The following FGD5 variants were observed in gnomAD, a reference collection of about 807,000 sequenced individuals.
The protein encoded by FGD5 is FYVE, RhoGEF and PH domain-containing protein 5.
Under a neutral mutation model 133.4 loss-of-function variants are expected in FGD5, and 28 were observed. That is an observed-to-expected ratio of 0.21 (90% CI 0.16 to 0.29). FGD5 has a LOEUF of 0.29. Among genes scored for constraint, FGD5 ranks in the 10% least tolerant of loss-of-function variants. The probability of loss-of-function intolerance (pLI) is 1.00; values close to 1 mark genes in which losing one functional copy is unlikely to be tolerated. For missense variants in FGD5, 1,858 were observed against 1,895.2 expected (o/e 0.98, Z 0.36); for synonymous variants, 810 against 776.5 (o/e 1.04, Z -0.72).
rs1443048007 is a variant in FGD5 at position 14,933,181 on chromosome 3, T to C, written c.*14T>C. On this transcript the variant is annotated 3_prime_UTR_variant, in exon 20 of 20. Transcript: ENST00000285046. ...AGTGTGTTATAGCAGTTATCAAGCATGTGGACTTGTAACAAATTCTTAGGT... is the reference window on the plus strand; with the variant it reads ...AGTGTGTTATAGCAGTTATCAAGCACGTGGACTTGTAACAAATTCTTAGGT... The C allele has an allele frequency of 3.1e-6, 5 of 1,612,792 alleles. No individual in the cohort carries two copies. In the Admixed American group the frequency reaches 6.7e-5, roughly 22 times the overall value.
chr3:14,811,867 CT>C (rs1031495445), intron 1 of FGD5, among the ~76,000 whole-genome samples: 3 of 152,116 alleles, frequency 2.0e-5, no homozygotes, highest in African/African-American at 7.2e-5. Flanking sequence ...ACTCTATTTT[CT>C]TTTTCTCACA....
intron 1 of FGD5, among the ~76,000 whole-genome samples, chr3:14,862,054 G>A (rs1018417324): frequency 2.0e-5 from 3 of 152,114 alleles, no homozygotes; most frequent in African/African-American, 7.2e-5. Context: ...ATGGTTGGGA[G>A]GTATTTGAAG....
upstream of FGD5, chr3:14,810,711 TC>T (rs2036278325): frequency 1.3e-6 from 1 of 751,526 alleles, no homozygotes; most frequent in African/African-American, 1.9e-5. Context: ...CCGCGCGGAG[TC>T]CGAGGCGCGC....
Position 14,867,005 on chromosome 3 carries a change from A to G in FGD5, c.2658+2745A>G, listed in dbSNP as rs530479069. ...AGAGTCCAGACTTCTCATCAGCTAT[A>G]GGGTTGGACATCCGTGCCCTCCTCC... is the stretch of plus-strand genomic sequence containing the variant. On this transcript the variant is annotated intron_variant, in intron 2 of 19. Transcript: ENST00000285046. 2.6e-5 allele frequency among the ~76,000 whole-genome samples: 4 copies of G among 152,346 alleles called. No individual in the cohort carries two copies. The South Asian group carries it at 8.3e-4, about 32-fold the overall frequency.
At chr3:14,921,304 CT>C (rs2125154153) in intron 13 of FGD5, 1 of 154,182 alleles carries the variant, frequency 6.5e-6, no homozygotes, top group East Asian at 1.9e-4. Context: ...AGGCTGCACA[CT>C]TACCTGTGGT....
intron 9 of FGD5, among the ~76,000 whole-genome samples, chr3:14,906,696 C>T (rs190682291): frequency 2.0e-5 from 3 of 152,376 alleles, no homozygotes; most frequent in East Asian, 1.9e-4. Context: ...AATTCATTAA[C>T]ATTTTCGCTG....
rs567436743 is a variant in FGD5 at position 14,884,239 on chromosome 3, A to G, written c.2748+3467A>G. Among the ~76,000 whole-genome samples, 5 of 152,322 alleles carry G rather than the reference A, an allele frequency of 3.3e-5. No homozygotes were observed. In the East Asian group the frequency reaches 9.6e-4, roughly 29 times the overall value. ...AACAAGTCTCTCCTAGAGGAAGCCA[A>G]AAGTTCCTACCAATCCCTCCTTTGG... On this transcript the variant is annotated intron_variant, in intron 4 of 19. Transcript: ENST00000285046.
At chr3:14,869,633 A>C (rs548483774) in intron 2 of FGD5, among the ~76,000 whole-genome samples, 110 of 151,952 alleles carry the variant, frequency 7.2e-4, no homozygotes, top group Non-Finnish European at 5.9e-4. Context: ...CCACCGTTCC[A>C]CTTCCTGTCT....
intron 2 of FGD5, among the ~76,000 whole-genome samples, chr3:14,877,548 CAG>C (rs1346758921): frequency 1.3e-5 from 2 of 152,244 alleles, no homozygotes; most frequent in African/African-American, 2.4e-5. Flanking sequence ...GATGAGGAAA[CAG>C]AGGCATCTGA....
At chr3:14,888,168 G>A (rs200330279) in intron 4 of FGD5, among the ~76,000 whole-genome samples, 20 of 143,262 alleles carry the variant, frequency 1.4e-4, no homozygotes, top group East Asian at 6.1e-4. Flanking sequence ...ATCCTTTCTC[G>A]AAAAAAAAAA....
intron 1 of FGD5, among the ~76,000 whole-genome samples, chr3:14,854,432 T>TATTGATTGATTGATTG (rs71038441): frequency 4.8e-4 from 69 of 143,452 alleles, no homozygotes; most frequent in Non-Finnish European, 7.1e-4. Flanking sequence ...TTTATTTATT[T>TATTGATTGATTGATTG]ATTGAGACGA....
At chr3:14,856,644 T>C (rs1228164137) in intron 1 of FGD5, among the ~76,000 whole-genome samples, 1 of 146,926 alleles carries the variant, frequency 6.8e-6, no homozygotes, top group Non-Finnish European at 1.5e-5. Flanking sequence ...AAATGTAGTA[T>C]TGTGATTTTT....
intron 1 of FGD5, among the ~76,000 whole-genome samples, chr3:14,862,274 C>T (rs1417929671): frequency 1.3e-5 from 2 of 152,200 alleles, no homozygotes; most frequent in Non-Finnish European, 2.9e-5. Context: ...CTGTTTCTCT[C>T]AGAAGGAGGG....
intron 1 of FGD5, among the ~76,000 whole-genome samples, chr3:14,824,571 G>C (rs1293725243): frequency 2.0e-5 from 3 of 152,210 alleles, no homozygotes; most frequent in African/African-American, 7.2e-5. Flanking sequence ...CCCAACACTT[G>C]TTATGGGACC....
At chr3:14,924,163 T>G (rs774671900) in intron 17 of FGD5, 25 bp downstream of exon 17, 5 of 1,613,634 alleles carry the variant, frequency 3.1e-6, no homozygotes, top group Admixed American at 3.3e-5. Context: ...GCTACCCAAG[T>G]GGGAAGTAGG....
intron 1 of FGD5, among the ~76,000 whole-genome samples, chr3:14,855,001 C>T (rs1478404713): frequency 6.6e-6 from 1 of 152,116 alleles, no homozygotes; most frequent in African/African-American, 2.4e-5. Context: ...CAGATCTCTC[C>T]CTATCCTCAC....
intron 2 of FGD5, among the ~76,000 whole-genome samples, chr3:14,871,934 G>A (rs1427303454): frequency 6.6e-6 from 1 of 152,240 alleles, no homozygotes; most frequent in Non-Finnish European, 1.5e-5. Context: ...TGCCATATGT[G>A]GACGAACAGC....
At chr3:14,900,016 G>A (rs939303407) in intron 7 of FGD5, among the ~76,000 whole-genome samples, 4 of 152,188 alleles carry the variant, frequency 2.6e-5, no homozygotes, top group Non-Finnish European at 5.9e-5. Flanking sequence ...CTGGGGAGGG[G>A]CTGGAGGATG....
intron 7 of FGD5, 50 bp downstream of exon 7, chr3:14,898,876 G>A (rs1419813559): frequency 6.6e-7 from 1 of 1,510,850 alleles, no homozygotes. Flanking sequence ...GGCAGGGAAG[G>A]CCCCTGAGGA....
Sources: gnomAD v4.1 joint callset for allele counts (sites outside exome capture counted in the v4.1 genomes callset) on GRCh38, gnomAD v4.1.1 for gene constraint, MANE v1.5 for transcripts, NCBI Gene and HGNC (gene_info 2026-07-23, HGNC 2026-07-21) for gene names.